The following NCAM2 variants were observed in gnomAD, a reference collection of about 807,000 sequenced individuals.
NCAM2 encodes the protein N-CAM-2.
NCAM2 carries 30 observed loss-of-function variants against 98.1 expected under a neutral mutation model. That is an observed-to-expected ratio of 0.31 (90% CI 0.23 to 0.41). The LOEUF is 0.41. Among genes scored for constraint, NCAM2 ranks in the 10% least tolerant of loss-of-function variants. NCAM2 has a pLI of 1.00. For missense variants in NCAM2, 867 were observed against 1,005.8 expected (o/e 0.86, Z 1.87); for synonymous variants, 368 against 342.4 (o/e 1.07, Z -0.83).
chr21:21,260,164 T>C (rs2071839118), intron 1 of NCAM2, among the ~76,000 whole-genome samples: 1 of 151,226 alleles, frequency 6.6e-6, no homozygotes, highest in Non-Finnish European at 1.5e-5. Flanking sequence ...AAAATAGAAT[T>C]AAAAAGAACA....
chr21:21,308,062 T>TAC lies in NCAM2; in HGVS notation c.619+15827_619+15828dup, dbSNP rs2073938068. On this transcript the variant is annotated intron_variant, in intron 5 of 17. Transcript: ENST00000400546. ...CTTCCCCCAACAACTGTGCTATGCA[T>TAC]ACACACATACACACACACACACACG... Among the ~76,000 whole-genome samples the TAC allele has an allele frequency of 7.8e-5, 4 of 51,398 alleles. No homozygotes were observed. The Admixed American group carries it at 9.8e-4, about 13-fold the overall frequency. The allele number at this position is 51,398 out of a possible 152,430, so 33.7% of individuals were successfully genotyped here. A position where few individuals can be genotyped will look rare whatever the true frequency, so the allele number is the denominator to read the frequency against.
At chr21:21,143,804 G>T (rs1227222199) in intron 1 of NCAM2, among the ~76,000 whole-genome samples, 12 of 123,416 alleles carry the variant, frequency 9.7e-5, no homozygotes, top group East Asian at 4.7e-4. Context: ...TTTTTAGGAA[G>T]TTTTTTTTTT....
chr21:21,301,358 A>G (rs1309236452), intron 5 of NCAM2, among the ~76,000 whole-genome samples: 1 of 141,782 alleles, frequency 7.1e-6, no homozygotes, highest in Non-Finnish European at 1.5e-5. Flanking sequence ...TAGGATTTTT[A>G]TAGTTTGGGG....
intron 1 of NCAM2, among the ~76,000 whole-genome samples, chr21:21,020,541 C>A (rs2064410832): frequency 1.3e-5 from 2 of 152,178 alleles, no homozygotes; most frequent in African/African-American, 4.8e-5. Context: ...CATTTCACAG[C>A]GTGACCACAG....
chr21:21,416,713 G>A (rs1298767741), intron 10 of NCAM2, among the ~76,000 whole-genome samples: 1 of 151,822 alleles, frequency 6.6e-6, no homozygotes, highest in African/African-American at 2.4e-5. Context: ...TTTACTTAAT[G>A]GTCTATAATA....
chr21:21,314,926 A>G (rs898577396), intron 5 of NCAM2, among the ~76,000 whole-genome samples: 12 of 152,194 alleles, frequency 7.9e-5, no homozygotes, highest in African/African-American at 2.9e-4. Flanking sequence ...AGATAATCCA[A>G]CATGTGTCAG....
chr21:21,110,073 A>G (rs568120686), intron 1 of NCAM2, among the ~76,000 whole-genome samples: 1 of 152,276 alleles, frequency 6.6e-6, no homozygotes, highest in East Asian at 1.9e-4. Context: ...GCCAGTTGGG[A>G]TTACAAAGAA....
intron 1 of NCAM2, among the ~76,000 whole-genome samples, chr21:21,066,217 G>T (rs2065433217): frequency 1.3e-5 from 2 of 152,286 alleles, no homozygotes; most frequent in South Asian, 4.1e-4. Flanking sequence ...TCTTACAAAT[G>T]AATAGATACT....
intron 6 of NCAM2, among the ~76,000 whole-genome samples, chr21:21,333,905 T>G (rs1352521613): frequency 6.6e-6 from 1 of 152,108 alleles, no homozygotes; most frequent in Non-Finnish European, 1.5e-5. Context: ...GTTGTAAAGA[T>G]TGCATTAGTA....
chr21:21,357,726 A>G (rs988817139), intron 8 of NCAM2, among the ~76,000 whole-genome samples: 1 of 152,018 alleles, frequency 6.6e-6, no homozygotes, highest in East Asian at 1.9e-4. Context: ...TTTTTACCAA[A>G]CCCTGAAGGT....
At chr21:21,483,810 T>TA (rs1448715411) in intron 15 of NCAM2, among the ~76,000 whole-genome samples, 6 of 152,212 alleles carry the variant, frequency 3.9e-5, no homozygotes, top group African/African-American at 1.2e-4. Flanking sequence ...AAAATTGTTT[T>TA]AAAAGAGATG....
chr21:21,346,431 A>AGCTG (rs1347081831), intron 8 of NCAM2, among the ~76,000 whole-genome samples: 1 of 152,102 alleles, frequency 6.6e-6, no homozygotes, highest in African/African-American at 2.4e-5. Flanking sequence ...TCACAATAAT[A>AGCTG]GCTGGAGACT....
chr21:21,387,834 A>G (rs1336257786), intron 9 of NCAM2, among the ~76,000 whole-genome samples: 2 of 152,208 alleles, frequency 1.3e-5, no homozygotes, highest in African/African-American at 2.4e-5. Context: ...GAAACCAATG[A>G]CTTTAAAAAA....
At chr21:21,216,705 A>AG (rs1424648920) in intron 1 of NCAM2, among the ~76,000 whole-genome samples, 1 of 152,152 alleles carries the variant, frequency 6.6e-6, no homozygotes, top group Non-Finnish European at 1.5e-5. Context: ...ATGGTGAATA[A>AG]GGGGGATTTA....
intron 9 of NCAM2, among the ~76,000 whole-genome samples, chr21:21,377,882 T>C (rs1234206098): frequency 6.6e-6 from 1 of 152,106 alleles, no homozygotes; most frequent in South Asian, 2.1e-4. Context: ...TTTTACTCTG[T>C]TTCTGTGAGT....
At chr21:21,282,086 C>T (rs1267529498) in intron 2 of NCAM2, among the ~76,000 whole-genome samples, 9 of 151,648 alleles carry the variant, frequency 5.9e-5, no homozygotes, top group Non-Finnish European at 1.3e-4. Context: ...GAGATTGATT[C>T]AGCATCATAT....
intron 1 of NCAM2, among the ~76,000 whole-genome samples, chr21:21,201,553 A>G (rs2147027484): frequency 6.6e-6 from 1 of 152,354 alleles, no homozygotes; most frequent in East Asian, 1.9e-4. Context: ...AGTATTATCC[A>G]GAAGGATAGA....
intron 12 of NCAM2, among the ~76,000 whole-genome samples, chr21:21,448,749 T>C (rs1980576727): frequency 6.6e-6 from 1 of 152,060 alleles, no homozygotes; most frequent in Non-Finnish European, 1.5e-5. Context: ...CATCTGACTA[T>C]GTTAAATGAA....
At chr21:21,114,088 G>T (rs750840037) in intron 1 of NCAM2, among the ~76,000 whole-genome samples, 1 of 152,072 alleles carries the variant, frequency 6.6e-6, no homozygotes, top group Non-Finnish European at 1.5e-5. Context: ...TCAATAGTCT[G>T]TGAATACTTG....
Sources: allele counts gnomAD v4.1 joint callset (sites outside exome capture counted in the v4.1 genomes callset), GRCh38; gene constraint gnomAD v4.1.1; transcripts MANE v1.5; gene names NCBI Gene and HGNC (gene_info 2026-07-23, HGNC 2026-07-21).